LUZP2: variants seen among roughly 807,000 people sequenced by gnomAD.
LUZP2 encodes leucine zipper protein 2.
A neutral mutation model predicts 51.6 loss-of-function variants in LUZP2; 52 were observed. The ratio of observed to expected loss-of-function variants is 1.01; its 90% CI spans 0.81 to 1.27. The LOEUF is 1.27. Among genes scored for constraint, LUZP2 ranks in the 50% most tolerant of loss-of-function variants. The pLI is 0.00. For synonymous variants in LUZP2, 154 were observed against 137.3 expected (o/e 1.12, Z -0.85); for missense variants, 436 against 395.4 (o/e 1.10, Z -0.87).
intron 9 of LUZP2, among the ~76,000 whole-genome samples, chr11:25,033,504 G>A (rs7114431): frequency 4.9e-4 from 74 of 152,228 alleles, no homozygotes; most frequent in African/African-American, 1.7e-3. Flanking sequence ...TCGAGGCTTG[G>A]GGTAGTGATC....
rs78360825 is a variant in LUZP2, at chr11:24,934,431, G to A, written c.522+19893G>A. Among the ~76,000 whole-genome samples, 977 of 152,048 alleles carry A rather than the reference G, an allele frequency of 6.4e-3. 18 individuals carry two copies. The highest frequency in any genetic ancestry group is 0.061 in the East Asian group (314 of 5,162). On this transcript the variant is annotated intron_variant, in intron 7 of 11. Transcript: ENST00000336930. ...TTGTTCCAAGTTTCTATTATTTCCC[G>A]TTCTTACTCTGTTCATTTATTTGAA... is the stretch of plus-strand genomic sequence containing the variant.
chr11:24,813,463 C>A (rs1216826312), intron 5 of LUZP2, among the ~76,000 whole-genome samples: 1 of 152,090 alleles, frequency 6.6e-6, no homozygotes, highest in Non-Finnish European at 1.5e-5. Flanking sequence ...GGGGAGCAGG[C>A]ACATCACATG....
chr11:24,552,387 A>T (rs1001900575), intron 1 of LUZP2, among the ~76,000 whole-genome samples: 2 of 152,028 alleles, frequency 1.3e-5, no homozygotes, highest in African/African-American at 2.4e-5. Context: ...TTGTCAAAAC[A>T]TTATAACAAA....
At chr11:25,040,964 T>C (rs533962377) in intron 9 of LUZP2, among the ~76,000 whole-genome samples, 13 of 152,302 alleles carry the variant, frequency 8.5e-5, no homozygotes, top group African/African-American at 2.6e-4. Context: ...CATTTCTCAC[T>C]GTTTTAGCTC....
intron 7 of LUZP2, among the ~76,000 whole-genome samples, chr11:24,922,880 G>T (rs550811466): frequency 8.9e-6 from 1 of 112,168 alleles, no homozygotes; most frequent in Middle Eastern, 0.011. Flanking sequence ...AGGGAGTCTC[G>T]CTCCATTGCC....
At chr11:24,502,851 C>T (rs867608743) in intron 1 of LUZP2, among the ~76,000 whole-genome samples, 1 of 152,140 alleles carries the variant, frequency 6.6e-6, no homozygotes, top group African/African-American at 2.4e-5. Context: ...GAAATCAAAG[C>T]TGTGAGTACA....
intron 4 of LUZP2, among the ~76,000 whole-genome samples, chr11:24,751,861 T>A (rs752859079): frequency 1.3e-5 from 2 of 151,988 alleles, no homozygotes; most frequent in African/African-American, 2.4e-5. Context: ...GCATGTTAAA[T>A]ATACCCAAGG....
intron 1 of LUZP2, among the ~76,000 whole-genome samples, chr11:24,587,620 T>C (rs993932084): frequency 6.6e-6 from 1 of 152,120 alleles, no homozygotes; most frequent in Non-Finnish European, 1.5e-5. Flanking sequence ...TGGAAATTTT[T>C]TAGAGTTATT....
chr11:24,938,686 C>A (rs555449190), intron 7 of LUZP2, among the ~76,000 whole-genome samples: 1 of 151,836 alleles, frequency 6.6e-6, no homozygotes, highest in Non-Finnish European at 1.5e-5. Context: ...GAAAATGATA[C>A]CATATTAATA....
intron 1 of LUZP2, among the ~76,000 whole-genome samples, chr11:24,647,441 G>A (rs984329299): frequency 3.3e-5 from 5 of 151,846 alleles, no homozygotes; most frequent in Non-Finnish European, 5.9e-5. Context: ...AAGACGAATA[G>A]CACTGGTTTT....
chr11:24,951,645 C>CATAT (rs138241636), intron 7 of LUZP2, among the ~76,000 whole-genome samples: 2 of 151,204 alleles, frequency 1.3e-5, no homozygotes, highest in African/African-American at 4.9e-5. Flanking sequence ...TATATTTAAA[C>CATAT]ATATATATAT....
chr11:24,522,387 A>C (rs1423452219), intron 1 of LUZP2, among the ~76,000 whole-genome samples: 1 of 151,970 alleles, frequency 6.6e-6, no homozygotes, highest in Non-Finnish European at 1.5e-5. Flanking sequence ...AAAGAAGCAA[A>C]ATCTGTTTCA....
chr11:24,983,344 T>C, intron 9 of LUZP2, 51 bp downstream of exon 9: 2 of 1,550,962 alleles, frequency 1.3e-6, no homozygotes, highest in South Asian at 1.1e-5. Flanking sequence ...TAATGTGTTG[T>C]CTTTAAAGCC....
intron 5 of LUZP2, among the ~76,000 whole-genome samples, chr11:24,800,280 A>G (rs1170496305): frequency 6.6e-6 from 1 of 152,138 alleles, no homozygotes; most frequent in Non-Finnish European, 1.5e-5. Context: ...TTCTCATGAA[A>G]GACTCCGTGG....
intron 7 of LUZP2, among the ~76,000 whole-genome samples, chr11:24,936,613 A>G (rs1854595492): frequency 6.6e-6 from 1 of 151,758 alleles, no homozygotes; most frequent in Admixed American, 6.6e-5. Flanking sequence ...TGTTTTATAT[A>G]CCTACCTGCT....
chr11:24,623,981 A>T (rs1241855411), intron 1 of LUZP2, among the ~76,000 whole-genome samples: 1 of 152,196 alleles, frequency 6.6e-6, no homozygotes, highest in African/African-American at 2.4e-5. Context: ...TTAGCTGCTG[A>T]TCATCTTAGA....
At chr11:24,766,671 A>G (rs973617152) in intron 5 of LUZP2, among the ~76,000 whole-genome samples, 4 of 152,092 alleles carry the variant, frequency 2.6e-5, no homozygotes, top group South Asian at 2.1e-4. Flanking sequence ...CTACATCCCA[A>G]AGGAAGAACA....
rs1858753518 is a variant in LUZP2 at position 24,732,617 on chromosome 11, A to G, written c.251+429A>G. Among the ~76,000 whole-genome samples, 4 of 151,766 alleles carry G rather than the reference A, an allele frequency of 2.6e-5. No individual in the cohort carries two copies. In the South Asian group the frequency reaches 8.3e-4, roughly 31 times the overall value. ...AAAGAATGGAATTATCTTACTAACA[A>G]TACAAGTAGAATCAGTACAATATTA... On this transcript the variant is annotated intron_variant, in intron 3 of 11. Coordinates refer to ENST00000336930, the MANE Select transcript of LUZP2 (RefSeq NM_001009909.4).
In LUZP2 at chr11:24,714,918, G is replaced by A. The variant is rs533754394; in HGVS notation, c.63-14251G>A. Among the ~76,000 whole-genome samples the A allele has an allele frequency of 2.0e-5, 3 of 152,264 alleles. No homozygotes were observed. The South Asian group carries it at 6.2e-4, about 32-fold the overall frequency. ...TGCCATAGCATCAACAGTTTACACT[G>A]TCAGAAGAGCCTAGAGAGTCTACAG... On this transcript the variant is annotated intron_variant, in intron 1 of 11. Transcript: ENST00000336930.
Sources: gnomAD v4.1 joint callset for allele counts (sites outside exome capture counted in the v4.1 genomes callset) on GRCh38, gnomAD v4.1.1 for gene constraint, MANE v1.5 for transcripts, NCBI Gene and HGNC (gene_info 2026-07-23, HGNC 2026-07-21) for gene names.